SLC39A8: variants seen among roughly 807,000 people sequenced by gnomAD.
SLC39A8 encodes the protein solute carrier family 39 member 8, also known as metal cation symporter ZIP8.
A neutral mutation model predicts 40.4 loss-of-function variants in SLC39A8; 15 were observed. The ratio of observed to expected loss-of-function variants is 0.37; its 90% confidence interval spans 0.25 to 0.57. The LOEUF is 0.57. Ranked by LOEUF, SLC39A8 falls within the 20% of genes least tolerant of loss-of-function variation. The pLI is 0.75. For missense variants in SLC39A8, 472 were observed against 558.8 expected, an observed-to-expected ratio of 0.84 and a Z score of 1.57; for synonymous variants, 223 against 221.6, an observed-to-expected ratio of 1.01 and a Z score of -0.06.
chr4:102,306,678 A>G (rs1171807914), intron 4 of SLC39A8, among the ~76,000 whole-genome samples: 3 of 151,974 alleles, frequency 2.0e-5, no homozygotes, highest in Non-Finnish European at 2.9e-5. Flanking sequence ...GTCCATGTAT[A>G]CATATATTTC....
At chr4:102,282,307 G>C (rs1732923253) in intron 6 of SLC39A8, among the ~76,000 whole-genome samples, 1 of 152,148 alleles carries the variant, frequency 6.6e-6, no homozygotes, top group Non-Finnish European at 1.5e-5. Context: ...CTTCTCTCAT[G>C]ACATGTTCAC....
chr4:102,259,817 T>C (rs1578550627), downstream of SLC39A8, among the ~76,000 whole-genome samples: 6 of 152,270 alleles, frequency 3.9e-5, no homozygotes, highest in South Asian at 1.2e-3. Context: ...AAATAAGTGG[T>C]TTTTTAAATT....
chr4:102,258,415 A>G (rs1731763239), downstream of SLC39A8, among the ~76,000 whole-genome samples: 1 of 152,148 alleles, frequency 6.6e-6, no homozygotes, highest in Non-Finnish European at 1.5e-5. Context: ...GGGGTGGCAC[A>G]ATGGCTGTTC....
At chr4:102,260,671 A>G (rs1440624693), downstream of SLC39A8, among the ~76,000 whole-genome samples, 1 of 152,206 alleles carries the variant, frequency 6.6e-6, no homozygotes, top group Non-Finnish European at 1.5e-5. Context: ...CTTGTTTTAT[A>G]AGAAGGAAAG....
chr4:102,328,019 C>A (rs1290583481), intron 2 of SLC39A8, among the ~76,000 whole-genome samples: 1 of 151,998 alleles, frequency 6.6e-6, no homozygotes, highest in Non-Finnish European at 1.5e-5. Context: ...TAATGGGCTA[C>A]AGAGAAAATC....
chr4:102,283,142 A>G (rs1230532896), intron 6 of SLC39A8, among the ~76,000 whole-genome samples: 3 of 151,818 alleles, frequency 2.0e-5, no homozygotes, highest in Non-Finnish European at 4.4e-5. Context: ...TTAGCAATGA[A>G]AGCAGATAAC....
chr4:102,282,765 C>T (rs778516265), intron 6 of SLC39A8, among the ~76,000 whole-genome samples: 2 of 152,126 alleles, frequency 1.3e-5, no homozygotes, highest in African/African-American at 4.8e-5. Flanking sequence ...CCCACTCTGT[C>T]GTCCAGGCTG....
intron 2 of SLC39A8, among the ~76,000 whole-genome samples, chr4:102,320,779 T>C (rs1428848657): frequency 7.0e-6 from 1 of 142,924 alleles, no homozygotes; most frequent in Non-Finnish European, 1.5e-5. Flanking sequence ...AGAATATATA[T>C]ATGAGAAAAA....
intron 6 of SLC39A8, among the ~76,000 whole-genome samples, chr4:102,299,553 T>C (rs1733826890): frequency 6.6e-6 from 1 of 152,002 alleles, no homozygotes; most frequent in African/African-American, 2.4e-5. Flanking sequence ...TAAACTCTCA[T>C]GGAGGCCCAA....
intron 2 of SLC39A8, among the ~76,000 whole-genome samples, chr4:102,331,609 C>T (rs954290998): frequency 6.6e-6 from 1 of 152,118 alleles, no homozygotes; most frequent in Non-Finnish European, 1.5e-5. Flanking sequence ...TTTATAGATT[C>T]AATGCTATCC....
intron 6 of SLC39A8, among the ~76,000 whole-genome samples, chr4:102,289,675 G>C (rs1335879454): frequency 6.6e-6 from 1 of 152,106 alleles, no homozygotes; most frequent in Admixed American, 6.6e-5. Flanking sequence ...ACTTTGAGGT[G>C]TTCAAGAATC....
At chr4:102,269,072 T>C (rs17032400) in intron 6 of SLC39A8, among the ~76,000 whole-genome samples, 57,259 of 152,002 alleles carry the variant, frequency 0.38, 11,926 homozygotes, top group East Asian at 0.47. Flanking sequence ...TTGAATGCTA[T>C]AGGAAATACA....
intron 6 of SLC39A8, among the ~76,000 whole-genome samples, chr4:102,273,724 T>A (rs1732479175): frequency 6.6e-6 from 1 of 152,156 alleles, no homozygotes; most frequent in African/African-American, 2.4e-5. Context: ...TGGGTGCCCA[T>A]CTGGGACGAA....
At chr4:102,303,357 C>T (rs1733999021) in intron 6 of SLC39A8, among the ~76,000 whole-genome samples, 1 of 151,896 alleles carries the variant, frequency 6.6e-6, no homozygotes, top group Admixed American at 6.6e-5. Context: ...GGGGCCCAGC[C>T]CTCTAAGCAC....
At chr4:102,316,832 G>A (rs1734682670) in intron 2 of SLC39A8, among the ~76,000 whole-genome samples, 2 of 152,124 alleles carry the variant, frequency 1.3e-5, no homozygotes, top group South Asian at 2.1e-4. Flanking sequence ...CCTTTGAGAG[G>A]TAATTAAGTT....
chr4:102,304,351 A>G lies in SLC39A8; in HGVS notation c.806T>C (p.Ile269Thr). 6.2e-7 allele frequency: 1 copy of G among 1,611,408 alleles called. No individual in the cohort carries two copies. Among genetic ancestry groups the G allele is most frequent in the Non-Finnish European group, 8.5e-7 (1 of 1,178,158 alleles). ...TACCACACTGACATTATCAAAATGG[A>G]TATGTCCATTAGCTTCTGTGACAGC... ...NPAVTEANGH[I>T]HFDNVSVVSL... Residue 269 changes from isoleucine to threonine, a missense_variant, in exon 6 of 9, where the codon ATC becomes ACC. Physicochemically the swap from Ile to Thr is moderately conservative, Grantham distance 89. This residue lies in a region of SLC39A8 where 239 missense variants were observed against 317.9 expected (regional missense o/e 0.75). Coordinates refer to ENST00000356736, the MANE Select transcript of SLC39A8 (RefSeq NM_001135146.2).
intron 6 of SLC39A8, among the ~76,000 whole-genome samples, chr4:102,296,384 C>A (rs996519605): frequency 6.6e-6 from 1 of 151,820 alleles, no homozygotes; most frequent in African/African-American, 2.4e-5. Flanking sequence ...GAAGCTATTC[C>A]CAAAGGTGCA....
intron 2 of SLC39A8, among the ~76,000 whole-genome samples, chr4:102,340,982 T>G (rs186452753): frequency 6.6e-6 from 1 of 152,090 alleles, no homozygotes; most frequent in East Asian, 1.9e-4. Context: ...CAGTGAGTAG[T>G]TTAGTTTAGT....
rs572419214 is a variant in SLC39A8, at chr4:102,285,089, T to C, written c.841-17010A>G. ...TTTGATATTCCTAAGTAGAAAGAGA[T>C]TCAGTAAAATAAAGTCTGTTCTTTT... is the stretch of plus-strand genomic sequence containing the variant. On this transcript the variant is annotated intron_variant, in intron 6 of 8. Coordinates refer to ENST00000356736, the MANE Select transcript of SLC39A8 (RefSeq NM_001135146.2). 5.3e-5 allele frequency among the ~76,000 whole-genome samples: 8 copies of C among 152,318 alleles called. 1 individual carries two copies. The highest frequency in any genetic ancestry group is 1.9e-4 in the African/African-American group (8 of 41,574).
Sources: gnomAD v4.1 joint callset for allele counts (sites outside exome capture counted in the v4.1 genomes callset) on GRCh38, gnomAD v4.1.1 for gene constraint, gnomAD v4.1.1 regional missense constraint, MANE v1.5 for transcripts, NCBI Gene and HGNC (gene_info 2026-07-23, HGNC 2026-07-21) for gene names.